PHACTR3: variants seen among roughly 807,000 people sequenced by gnomAD.
PHACTR3 encodes the protein protein phosphatase 1, regulatory subunit 123.
PHACTR3 carries 16 observed loss-of-function variants against 66.8 expected under a neutral mutation model. That is an observed-to-expected ratio of 0.24 (90% CI 0.16 to 0.36). The LOEUF (loss-of-function observed/expected upper bound fraction) is 0.36. Among genes scored for constraint, PHACTR3 ranks in the 10% least tolerant of loss-of-function variants. The pLI is 1.00. For missense variants in PHACTR3, 647 were observed against 719.9 expected, an observed-to-expected ratio of 0.90 and a Z score of 1.16; for synonymous variants, 323 against 292.1, an observed-to-expected ratio of 1.11 and a Z score of -1.08.
chr20:59,805,307 C>T (rs75286409), intron 7 of PHACTR3, among the ~76,000 whole-genome samples: 12,646 of 152,222 alleles, frequency 0.083, 1,108 homozygotes, highest in East Asian at 0.37. Flanking sequence ...GTCAGCCCAC[C>T]GTTAAGTTCA....
chr20:59,720,851 TAA>T lies in PHACTR3; in HGVS notation c.119-22254_119-22253del, dbSNP rs559794200. ...AGGGAACATTTATTGTGTTGAAAAT[TAA>T]AGACTTGATAAAAAATGTTTGCTTT... On this transcript the variant is annotated intron_variant, in intron 1 of 12. Coordinates refer to ENST00000371015, the MANE Select transcript of PHACTR3 (RefSeq NM_080672.5). Among the ~76,000 whole-genome samples the T allele has an allele frequency of 4.4e-3, 675 of 152,340 alleles. 2 individuals carry two copies. The highest frequency in any genetic ancestry group is 7.7e-3 in the Non-Finnish European group (525 of 68,030).
At chr20:59,582,580 C>T (rs529881264) in intron 1 of PHACTR3, among the ~76,000 whole-genome samples, 95 of 152,320 alleles carry the variant, frequency 6.2e-4, no homozygotes, top group African/African-American at 2.2e-3. Context: ...GTTTCTCTCG[C>T]CAGCACTTGA....
chr20:59,687,430 G>A (rs1031291559), intron 1 of PHACTR3, among the ~76,000 whole-genome samples: 4 of 152,154 alleles, frequency 2.6e-5, no homozygotes, highest in African/African-American at 7.2e-5. Context: ...AAGGTAGGGC[G>A]CAGGAAGTGT....
At chr20:59,690,029 C>G (rs2037053136) in intron 1 of PHACTR3, among the ~76,000 whole-genome samples, 1 of 152,186 alleles carries the variant, frequency 6.6e-6, no homozygotes, top group African/African-American at 2.4e-5. Flanking sequence ...TTATGACAGT[C>G]TATATCCCTT....
At chr20:59,834,029 C>A (rs139818966) in intron 8 of PHACTR3, among the ~76,000 whole-genome samples, 1 of 152,146 alleles carries the variant, frequency 6.6e-6, no homozygotes, top group Non-Finnish European at 1.5e-5. Context: ...TCTTCTCCCC[C>A]ACCTAGGACC....
intron 8 of PHACTR3, among the ~76,000 whole-genome samples, chr20:59,831,634 A>AT (rs2042383400): frequency 6.6e-6 from 1 of 151,438 alleles, no homozygotes; most frequent in Non-Finnish European, 1.5e-5. Flanking sequence ...ACCCCGCCCC[A>AT]CCCCTCTGCA....
At chr20:59,731,853 G>T (rs1362596487) in intron 1 of PHACTR3, among the ~76,000 whole-genome samples, 1 of 152,136 alleles carries the variant, frequency 6.6e-6, no homozygotes, top group African/African-American at 2.4e-5. Flanking sequence ...AGAGAATCTT[G>T]TTATCTTTGG....
At chr20:59,762,192 C>T (rs1282240174) in intron 4 of PHACTR3, among the ~76,000 whole-genome samples, 2 of 152,112 alleles carry the variant, frequency 1.3e-5, no homozygotes, top group Non-Finnish European at 2.9e-5. Context: ...TTGGGGGAGA[C>T]TTTGGAGGAG....
At chr20:59,709,998 C>G (rs1183220024) in intron 1 of PHACTR3, among the ~76,000 whole-genome samples, 2 of 151,984 alleles carry the variant, frequency 1.3e-5, no homozygotes, top group Non-Finnish European at 2.9e-5. Flanking sequence ...CTGTTGTGTT[C>G]TGACATTCCT....
In PHACTR3 at chr20:59,666,507, A is replaced by G. The variant is rs538575005; in HGVS notation, c.118+61375A>G. ...TGGGCAGGTGGAGCAGAAGGAGCTCAATTTCAGAGGAAGAGAGAGACAGAG... is the reference window on the plus strand; with the variant it reads ...TGGGCAGGTGGAGCAGAAGGAGCTCGATTTCAGAGGAAGAGAGAGACAGAG... On this transcript the variant is annotated intron_variant, in intron 1 of 12. Coordinates refer to ENST00000371015, the MANE Select transcript of PHACTR3 (RefSeq NM_080672.5). Among the ~76,000 whole-genome samples the G allele has an allele frequency of 4.6e-5, 7 of 152,196 alleles. No homozygotes were observed. In the South Asian group the frequency reaches 1.5e-3, roughly 32 times the overall value.
intron 7 of PHACTR3, among the ~76,000 whole-genome samples, chr20:59,794,123 C>CAAAAAAAAAA (rs71183186): frequency 2.0e-5 from 2 of 97,854 alleles, no homozygotes; most frequent in African/African-American, 8.9e-5. Flanking sequence ...GACTCCATCT[C>CAAAAAAAAAA]AAAAAAAAAA....
rs545930639 is a variant in PHACTR3 at position 59,644,460 on chromosome 20, TC to T, written c.118+39333del. 5.5e-3 allele frequency among the ~76,000 whole-genome samples: 830 copies of T among 152,182 alleles called. 9 individuals are homozygous for T. The highest frequency in any genetic ancestry group is 7.7e-3 in the Non-Finnish European group (524 of 67,984). ...TGGTCCTTGTCCTCCCTCATTCGCCTCCCCCACCACTGAATTGTAGACTCCA... is the reference window on the plus strand; with the variant it reads ...TGGTCCTTGTCCTCCCTCATTCGCCTCCCCACCACTGAATTGTAGACTCCA... On this transcript the variant is annotated intron_variant, in intron 1 of 12. Transcript: ENST00000371015.
intron 1 of PHACTR3, among the ~76,000 whole-genome samples, chr20:59,686,221 G>A (rs2036855495): frequency 6.6e-6 from 1 of 152,228 alleles, no homozygotes; most frequent in African/African-American, 2.4e-5. Context: ...GGGATGAGAA[G>A]AGTGGCCAAT....
rs980077306 is a variant in PHACTR3 at position 59,845,402 on chromosome 20, T to C, written c.1664+137T>C. 5.1e-6 allele frequency: 3 copies of C among 588,894 alleles called. No homozygotes were observed. In the African/African-American group the frequency reaches 5.7e-5, roughly 11 times the overall value. The allele number at this position is 588,894 out of a possible 1,614,324, so 36.5% of individuals were successfully genotyped here. On this transcript the variant is annotated intron_variant, in intron 12 of 12. Transcript: ENST00000371015. ...AGAGAACTCTATTGAACAAATAGAA[T>C]GTACCTCAAGTAAGAATGCTGCCTG...
intron 7 of PHACTR3, among the ~76,000 whole-genome samples, chr20:59,800,085 ACTT>A (rs1441796411): frequency 6.6e-6 from 1 of 152,168 alleles, no homozygotes; most frequent in Non-Finnish European, 1.5e-5. Flanking sequence ...ACCAGAGTAT[ACTT>A]CTGTTCTCCT....
At chr20:59,668,870 T>TTTTTA (rs76833383) in intron 1 of PHACTR3, among the ~76,000 whole-genome samples, 17,463 of 138,530 alleles carry the variant, frequency 0.13, 1,285 homozygotes, top group East Asian at 0.17. Flanking sequence ...ACAGCTAATT[T>TTTTTA]TTTTATTTTA....
rs982138830 is a variant in PHACTR3 at position 59,736,368 on chromosome 20, C to T, written c.119-6739C>T. 2.0e-4 allele frequency among the ~76,000 whole-genome samples: 30 copies of T among 152,114 alleles called. No homozygotes were observed. In the East Asian group the frequency reaches 3.1e-3, roughly 16 times the overall value. ...GTTCCTCAGGAACTGCAGGGAGAGA[C>T]GGGGAGAGAATTCCTGGAGTGGGGG... On this transcript the variant is annotated intron_variant, in intron 1 of 12. Coordinates refer to ENST00000371015, the MANE Select transcript of PHACTR3 (RefSeq NM_080672.5). This position sits in a 1 kb window ranked among gnomAD's most constrained non-coding sequence, Gnocchi z 4.6.
intron 5 of PHACTR3, among the ~76,000 whole-genome samples, chr20:59,772,861 G>A (rs929257896): frequency 6.6e-6 from 1 of 152,210 alleles, no homozygotes; most frequent in Non-Finnish European, 1.5e-5. Context: ...TGCTGGAACA[G>A]ATGCTGTGGG....
intron 8 of PHACTR3, among the ~76,000 whole-genome samples, chr20:59,808,613 C>A (rs951498115): frequency 2.0e-5 from 3 of 152,210 alleles, no homozygotes; most frequent in African/African-American, 7.2e-5. Context: ...AACCAGCTCC[C>A]GGAGCGCCAG....
Sources: gnomAD v4.1 joint callset for allele counts (sites outside exome capture counted in the v4.1 genomes callset) on GRCh38, gnomAD v4.1.1 for gene constraint, Gnocchi (gnomAD v3.1) non-coding constraint, MANE v1.5 for transcripts, NCBI Gene and HGNC (gene_info 2026-07-23, HGNC 2026-07-21) for gene names.